Variants in ROBO1 observed in about 807,000 individuals in gnomAD.
ROBO1 encodes the protein roundabout guidance receptor 1, also known as roundabout homolog 1.
Under a neutral mutation model 195.9 loss-of-function variants are expected in ROBO1, and 149 were observed. The observed-to-expected ratio is 0.76, with a 90% CI of 0.67 to 0.87. The LOEUF is 0.87. Among genes scored for constraint, ROBO1 ranks in the 40% least tolerant of loss-of-function variants. ROBO1 has a pLI of 0.00. For synonymous variants in ROBO1, 816 were observed against 733.2 expected (o/e 1.11, Z -1.82); for missense variants, 1,933 against 2,068.3 (o/e 0.93, Z 1.27).
intron 2 of ROBO1, among the ~76,000 whole-genome samples, chr3:79,437,192 C>T (rs1160386939): frequency 6.6e-6 from 1 of 151,966 alleles, no homozygotes. Flanking sequence ...AAGACCATAG[C>T]TTTATTCAAC....
intron 2 of ROBO1, among the ~76,000 whole-genome samples, chr3:79,406,116 G>A (rs1022919983): frequency 2.0e-5 from 3 of 151,942 alleles, no homozygotes; most frequent in Non-Finnish European, 2.9e-5. Flanking sequence ...AGAAACACTT[G>A]ACCTTTGGCC....
rs553266381 is a variant in ROBO1, at chr3:79,319,802, T to C, written c.89-194263A>G. 1.4e-4 allele frequency among the ~76,000 whole-genome samples: 22 copies of C among 152,290 alleles called. No homozygotes were observed. In the South Asian group the frequency reaches 3.9e-3, roughly 27 times the overall value. On this transcript the variant is annotated intron_variant, in intron 2 of 30. Coordinates refer to ENST00000464233, the MANE Select transcript of ROBO1 (RefSeq NM_002941.4). ...AATAAAAAATGCCTACCATAACATA[T>C]AACCCATAGGTACTTGAATAAAGAG... is the stretch of plus-strand genomic sequence containing the variant.
At position 79,732,225 on chromosome 3, in the gene ROBO1, C is replaced by T. The variant is rs185830720; in HGVS notation, c.-51+35527G>A. ...ATAGTGGTATAATCTTATGGGGCTA[C>T]TATCATATATGAAGTCAAGTGTTGA... is the stretch of plus-strand genomic sequence containing the variant. On this transcript the variant is annotated intron_variant, in intron 1 of 30. Transcript: ENST00000464233. Among the ~76,000 whole-genome samples, 353 of 149,078 alleles carry T rather than the reference C, an allele frequency of 2.4e-3. 3 individuals carry two copies. The highest frequency in any genetic ancestry group is 7.3e-3 in the African/African-American group (302 of 41,208).
chr3:79,312,026 C>T (rs966478732), intron 2 of ROBO1, among the ~76,000 whole-genome samples: 1 of 152,180 alleles, frequency 6.6e-6, no homozygotes, highest in Non-Finnish European at 1.5e-5. Context: ...TTTCTGGCAC[C>T]TTGGCTCTTC....
intron 4 of ROBO1, among the ~76,000 whole-genome samples, chr3:78,885,938 T>TATATATATATAC (rs1319841027): frequency 1.4e-5 from 2 of 144,954 alleles, no homozygotes; most frequent in African/African-American, 5.1e-5. Context: ...TATATATATA[T>TATATATATATAC]ATACATACAT....
intron 4 of ROBO1, among the ~76,000 whole-genome samples, chr3:78,760,471 T>G (rs938468660): frequency 7.2e-5 from 11 of 152,086 alleles, no homozygotes; most frequent in African/African-American, 2.7e-4. Context: ...TCTAACTAAT[T>G]TAGTCATCAG....
chr3:79,337,222 T>C (rs988839669), intron 2 of ROBO1, among the ~76,000 whole-genome samples: 3 of 152,266 alleles, frequency 2.0e-5, no homozygotes, highest in Middle Eastern at 3.4e-3. Context: ...TGGTTGTATT[T>C]TGAAAGGTGA....
intron 2 of ROBO1, among the ~76,000 whole-genome samples, chr3:79,565,197 C>A (rs2107725091): frequency 6.6e-6 from 1 of 152,148 alleles, no homozygotes; most frequent in South Asian, 2.1e-4. Context: ...TCTCTACCAA[C>A]AACAATAGCA....
At chr3:79,593,982 A>G (rs1287388153) in intron 1 of ROBO1, among the ~76,000 whole-genome samples, 2 of 151,870 alleles carry the variant, frequency 1.3e-5, no homozygotes, top group South Asian at 4.2e-4. Context: ...GTCTTTCACA[A>G]ATATTTTCTT....
chr3:78,681,348 C>G (rs576246952), intron 10 of ROBO1, among the ~76,000 whole-genome samples: 2 of 151,880 alleles, frequency 1.3e-5, no homozygotes, highest in African/African-American at 4.8e-5. Flanking sequence ...AAAAAAAAAT[C>G]TATGGAGCAT....
chr3:78,808,432 T>C (rs1309505195), intron 4 of ROBO1, among the ~76,000 whole-genome samples: 1 of 152,082 alleles, frequency 6.6e-6, no homozygotes, highest in Non-Finnish European at 1.5e-5. Flanking sequence ...CTCAAACTCC[T>C]GAACTCGTGA....
intron 3 of ROBO1, among the ~76,000 whole-genome samples, chr3:79,071,331 T>G (rs2079084810): frequency 1.3e-5 from 2 of 151,842 alleles, no homozygotes; most frequent in Admixed American, 1.3e-4. Flanking sequence ...CCTTCCTTAT[T>G]TATCACTTTG....
At chr3:79,031,997 C>T (rs2108305035) in intron 3 of ROBO1, among the ~76,000 whole-genome samples, 1 of 151,986 alleles carries the variant, frequency 6.6e-6, no homozygotes, top group Admixed American at 6.5e-5. Flanking sequence ...GACACACAGG[C>T]TTATATAGGG....
chr3:79,561,336 T>G (rs940029533), intron 2 of ROBO1, among the ~76,000 whole-genome samples: 2 of 152,176 alleles, frequency 1.3e-5, no homozygotes, highest in African/African-American at 4.8e-5. Context: ...GGAGTAAGAT[T>G]TCCTACAATA....
intron 2 of ROBO1, among the ~76,000 whole-genome samples, chr3:79,367,640 A>AT (rs746681447): frequency 8.5e-5 from 13 of 152,322 alleles, no homozygotes; most frequent in Non-Finnish European, 1.6e-4. Context: ...ATAATAGACA[A>AT]TAAATGTGAA....
At position 79,006,759 on chromosome 3, in the gene ROBO1, A is replaced by G. The variant is rs1189063533; in HGVS notation, c.173-67832T>C. ...TTTTCAACCCTTACAAAATATCGGA[A>G]AAAAAAAAAAAAAAAAACAGACTCT... On this transcript the variant is annotated intron_variant, in intron 3 of 30. Transcript: ENST00000464233. Among the ~76,000 whole-genome samples the G allele has an allele frequency of 4.4e-3, 8 of 1,828 alleles. No homozygotes were observed. The Admixed American group carries it at 0.045, about 10-fold the overall frequency. The allele number at this position is 1,828 out of a possible 152,430, so 1.2% of individuals were successfully genotyped here.
chr3:79,553,841 G>A (rs899595193), intron 2 of ROBO1, among the ~76,000 whole-genome samples: 1 of 152,072 alleles, frequency 6.6e-6, no homozygotes, highest in African/African-American at 2.4e-5. Context: ...ATCCTGTTTT[G>A]AGGAGGAGAA....
intron 3 of ROBO1, among the ~76,000 whole-genome samples, chr3:79,055,740 C>T (rs915837815): frequency 6.6e-6 from 1 of 152,024 alleles, no homozygotes; most frequent in African/African-American, 2.4e-5. Context: ...TTACTAAACC[C>T]CTCCAAATTA....
At chr3:79,136,145 T>G (rs960495598) in intron 2 of ROBO1, among the ~76,000 whole-genome samples, 2 of 152,202 alleles carry the variant, frequency 1.3e-5, no homozygotes, top group African/African-American at 4.8e-5. Flanking sequence ...TAATTTAAAT[T>G]GTTTATCATC....
Sources: gnomAD v4.1 joint callset for allele counts (sites outside exome capture counted in the v4.1 genomes callset) on GRCh38, gnomAD v4.1.1 for gene constraint, MANE v1.5 for transcripts, NCBI Gene and HGNC (gene_info 2026-07-23, HGNC 2026-07-21) for gene names.